WNT4: variants seen among roughly 807,000 people sequenced by gnomAD.
The protein encoded by WNT4 is protein Wnt-4.
A neutral mutation model predicts 34.5 loss-of-function variants in WNT4; 16 were observed. The ratio of observed to expected loss-of-function variants is 0.46; its 90% CI spans 0.31 to 0.70. The LOEUF is 0.70. Ranked by LOEUF, WNT4 falls within the 30% of genes least tolerant of loss-of-function variation. The probability of loss-of-function intolerance (pLI) is 0.04; values close to 1 mark genes in which losing one functional copy is unlikely to be tolerated. For missense variants in WNT4, 379 were observed against 495.9 expected (o/e 0.76, Z 2.24); for synonymous variants, 200 against 211.9 (o/e 0.94, Z 0.49).
In WNT4 at chr1:22,119,991, T is replaced by C. The variant is rs1430613529; in HGVS notation, c.*59A>G. On this transcript the variant is annotated 3_prime_UTR_variant, in exon 5 of 5. Transcript: ENST00000290167. ...TTGGGGTAGGTGGTGGGAGACTGTTTAAATTATCGGCCTTCCCTGGGCCAC... is the reference window on the plus strand; with the variant it reads ...TTGGGGTAGGTGGTGGGAGACTGTTCAAATTATCGGCCTTCCCTGGGCCAC... 13 of 1,582,822 alleles carry C rather than the reference T, an allele frequency of 8.2e-6. No homozygotes were observed. In the East Asian group the frequency reaches 2.5e-4, roughly 30 times the overall value.
intron 1 of WNT4, among the ~76,000 whole-genome samples, chr1:22,131,360 G>A (rs1343675126): frequency 2.6e-5 from 4 of 152,240 alleles, no homozygotes; most frequent in African/African-American, 4.8e-5. Context: ...GGAGGTGCCT[G>A]GGCCCCAGTC....
intron 4 of WNT4, 21 bp downstream of exon 4, chr1:22,121,190 T>TGG (rs775558075): frequency 6.3e-5 from 102 of 1,612,912 alleles, no homozygotes; most frequent in Non-Finnish European, 8.6e-5. Context: ...CCGCTCTTGG[T>TGG]GGGGGGTAGT....
chr1:22,141,598 G>A lies in WNT4; in HGVS notation c.77+1248C>T, dbSNP rs1276308616. Among the ~76,000 whole-genome samples, 9 of 152,162 alleles carry A rather than the reference G, an allele frequency of 5.9e-5. No individual in the cohort carries two copies. The East Asian group carries it at 1.7e-3, about 29-fold the overall frequency. ...AACAAAAGCTCCGCAGCCACTTCGG[G>A]CTGCCTTGGAGTCGTTTGCTCTCGG... On this transcript the variant is annotated intron_variant, in intron 1 of 4. Transcript: ENST00000290167.
At chr1:22,136,703 G>T (rs192045322) in intron 1 of WNT4, among the ~76,000 whole-genome samples, 1 of 152,308 alleles carries the variant, frequency 6.6e-6, no homozygotes, top group Non-Finnish European at 1.5e-5. Context: ...TTCTACCACC[G>T]CCATGCTGTA....
intron 1 of WNT4, among the ~76,000 whole-genome samples, chr1:22,138,409 C>CT (rs1320517559): frequency 1.3e-5 from 2 of 151,528 alleles, no homozygotes; most frequent in East Asian, 3.9e-4. Flanking sequence ...TTTGCCCGCC[C>CT]CCCAGGGGAC....
intron 2 of WNT4, among the ~76,000 whole-genome samples, chr1:22,123,310 T>G (rs1243226274): frequency 6.6e-6 from 1 of 152,118 alleles, no homozygotes; most frequent in Admixed American, 6.5e-5. Context: ...CCCTGTGTAC[T>G]GGTGGTCCCT....
intron 1 of WNT4, among the ~76,000 whole-genome samples, chr1:22,132,406 T>G (rs1424666781): frequency 3.3e-5 from 5 of 152,152 alleles, no homozygotes; most frequent in African/African-American, 1.2e-4. Flanking sequence ...CACCATGACC[T>G]TGGGCAAGTC....
intron 2 of WNT4, among the ~76,000 whole-genome samples, chr1:22,128,715 CTTTTTTTTTCTTT>C (rs1166555613): frequency 6.0e-5 from 9 of 151,052 alleles, no homozygotes; most frequent in Non-Finnish European, 1.3e-4. Context: ...CCACTTTCTA[CTTTTTTTTTCTTT>C]TTTTTTTTTG....
In WNT4 at chr1:22,121,224, T is replaced by C. The variant is rs1248359041; in HGVS notation, c.575A>G (p.Glu192Gly). ...SRALMNLHNN[E>G]AGRKAILTHM... ...GTGCCACACTACCTTCCTGCCGGCC[T>C]CATTGTTGTGGAGGTTCATGAGGGC... The change falls in exon 4 of 5, where the codon GAG becomes GGG. Residue 192 changes from glutamate (E) to glycine (G), a missense_variant. By Grantham distance (98) the Glu-to-Gly change is moderately conservative. This residue lies in a region of WNT4 where 313 missense variants were observed against 445.8 expected (regional missense o/e 0.70). Coordinates refer to ENST00000290167, the MANE Select transcript of WNT4 (RefSeq NM_030761.5). 1 of 1,614,060 alleles carries C rather than the reference T, an allele frequency of 6.2e-7. No homozygotes were observed. Among genetic ancestry groups the C allele is most frequent in the Non-Finnish European group, 8.5e-7 (1 of 1,179,998 alleles).
At position 22,129,650 on chromosome 1, in the gene WNT4, G is replaced by T; in HGVS notation, c.279C>A (p.Asp93Glu). The T allele has an allele frequency of 6.2e-7, 1 of 1,613,770 alleles. No homozygotes were observed. The highest frequency in any genetic ancestry group is 8.5e-7 in the Non-Finnish European group (1 of 1,180,032). ...RNRRWNCSTL[D>E]SLPVFGKVVT... ...CCACCTTGCCGAAGACGGGCAAGGAGTCGAGTGTGGAGCAGTTCCAGCGCC... is the reference window on the plus strand; with the variant it reads ...CCACCTTGCCGAAGACGGGCAAGGATTCGAGTGTGGAGCAGTTCCAGCGCC... Residue 93 changes from aspartate (D) to glutamate (E), a missense_variant, in exon 2 of 5, where the codon GAC becomes GAA. By Grantham distance (45) the Asp-to-Glu change is conservative (BLOSUM62 2). Transcript: ENST00000290167.
chr1:22,131,117 A>G (rs1447072397), intron 1 of WNT4, among the ~76,000 whole-genome samples: 1 of 152,256 alleles, frequency 6.6e-6, no homozygotes, highest in East Asian at 1.9e-4. Context: ...GGGCAGAGAC[A>G]GTATTCTCTG....
chr1:22,126,312 T>C (rs1406266896), intron 2 of WNT4, among the ~76,000 whole-genome samples: 1 of 152,130 alleles, frequency 6.6e-6, no homozygotes, highest in Non-Finnish European at 1.5e-5. Context: ...GGGGGTCAGT[T>C]AGCTCTTCCT....
intron 2 of WNT4, among the ~76,000 whole-genome samples, chr1:22,123,153 C>T (rs773358935): frequency 2.0e-5 from 3 of 152,146 alleles, no homozygotes; most frequent in Non-Finnish European, 2.9e-5. Context: ...GCCCCAAAGA[C>T]CAAGGGGGAA....
Position 22,119,225 on chromosome 1 carries a change from TGTG to T in WNT4, c.*822_*824del, listed in dbSNP as rs1557920861. The T allele has an allele frequency of 0.043, 5,814 of 134,802 alleles. 254 individuals carry two copies. Among genetic ancestry groups the T allele is most frequent in the African/African-American group, 0.092 (2,926 of 31,814 alleles). The allele number at this position is 134,802 out of a possible 1,614,324, so 8.4% of individuals were successfully genotyped here. The stretch of plus-strand genomic sequence containing the variant: ...GTGTGTGTGTGTGTGTGTGTGTGTG[TGTG>T]TTTCAGTTTCATGGAGGAACAGCGC... On this transcript the variant is annotated 3_prime_UTR_variant, in exon 5 of 5. Coordinates refer to ENST00000290167, the MANE Select transcript of WNT4 (RefSeq NM_030761.5).
intron 1 of WNT4, among the ~76,000 whole-genome samples, chr1:22,131,656 AT>A: frequency 6.6e-6 from 1 of 152,270 alleles, no homozygotes; most frequent in East Asian, 1.9e-4. Context: ...AATGCCCGTG[AT>A]TTGCTGTGTG....
chr1:22,123,746 CCCAG>C (rs1301908665), intron 2 of WNT4, among the ~76,000 whole-genome samples: 2 of 152,160 alleles, frequency 1.3e-5, no homozygotes, highest in African/African-American at 2.4e-5. Flanking sequence ...TATTCTGCCT[CCCAG>C]AGGCTCTGAG....
chr1:22,122,117 A>T (rs745848181), intron 2 of WNT4, among the ~76,000 whole-genome samples: 1 of 152,152 alleles, frequency 6.6e-6, no homozygotes, highest in Non-Finnish European at 1.5e-5. Context: ...GCCCTTCCTT[A>T]TGTATGATCT....
Position 22,119,225 on chromosome 1 carries a change from TG to T in WNT4, c.*824del, listed in dbSNP as rs1361794844. The T allele has an allele frequency of 0.14, 18,420 of 134,384 alleles. 1,565 individuals are homozygous for T. The highest frequency in any genetic ancestry group is 0.26 in the Middle Eastern group (71 of 278). 8.3% of individuals were successfully genotyped at this position (134,384 alleles called of 1,614,324 possible). ...GTGTGTGTGTGTGTGTGTGTGTGTG[TG>T]TGTTTCAGTTTCATGGAGGAACAGC... On this transcript the variant is annotated 3_prime_UTR_variant, in exon 5 of 5. Transcript: ENST00000290167.
At position 22,140,359 on chromosome 1, in the gene WNT4, G is replaced by T; in HGVS notation, c.77+2487C>A. The T allele has an allele frequency of 1.3e-6, 1 of 748,740 alleles. No individual in the cohort carries two copies. Among genetic ancestry groups the T allele is most frequent in the Non-Finnish European group, 1.6e-6 (1 of 613,936 alleles). 46.4% of individuals were successfully genotyped at this position (748,740 alleles called of 1,614,324 possible). On this transcript the variant is annotated intron_variant, in intron 1 of 4. Transcript: ENST00000290167. The surrounding 1 kb of genome is among the most constrained non-coding windows in gnomAD (Gnocchi z 5.9). ...GATCCCCAATCTTCTCATCTGTAAC[G>T]GGATTGAAACGTTGTTGGGATTTAG...
Sources: allele counts gnomAD v4.1 joint callset (sites outside exome capture counted in the v4.1 genomes callset), GRCh38; gene constraint gnomAD v4.1.1; regional missense constraint gnomAD v4.1.1; non-coding constraint Gnocchi (gnomAD v3.1); transcripts MANE v1.5; gene names NCBI Gene and HGNC (gene_info 2026-07-23, HGNC 2026-07-21).